The following DPP10 variants were observed in gnomAD, a reference collection of about 807,000 sequenced individuals.
The protein encoded by DPP10 is dipeptidyl peptidase like 10, also known as inactive dipeptidyl peptidase 10.
DPP10 carries 33 observed loss-of-function variants against 120.9 expected under a neutral mutation model. The observed-to-expected ratio is 0.27, with a 90% CI of 0.21 to 0.37. The LOEUF (loss-of-function observed/expected upper bound fraction) is 0.37, where lower values mean the gene tolerates loss of function less well. Among genes scored for constraint, DPP10 ranks in the 10% least tolerant of loss-of-function variants. DPP10 has a pLI of 1.00. For missense variants in DPP10, 816 were observed against 942.8 expected, an observed-to-expected ratio of 0.87 and a Z score of 1.76; for synonymous variants, 337 against 326.1, an observed-to-expected ratio of 1.03 and a Z score of -0.36.
intron 5 of DPP10, among the ~76,000 whole-genome samples, chr2:115,595,961 CTT>C (rs2082963114): frequency 6.6e-6 from 1 of 151,898 alleles, no homozygotes; most frequent in African/African-American, 2.4e-5. Context: ...GACTGTAACT[CTT>C]GTTTTTAGTG....
chr2:115,678,902 G>A (rs1467011407), intron 5 of DPP10, among the ~76,000 whole-genome samples: 1 of 152,202 alleles, frequency 6.6e-6, no homozygotes, highest in Non-Finnish European at 1.5e-5. Context: ...GAACTTTAAG[G>A]TTTAATGAAT....
intron 1 of DPP10, among the ~76,000 whole-genome samples, chr2:114,466,169 T>C (rs1679354114): frequency 6.6e-6 from 1 of 152,184 alleles, no homozygotes; most frequent in South Asian, 2.1e-4. Flanking sequence ...TAAAACTTGT[T>C]TGGGAGAGAA....
At chr2:115,358,946 A>G (rs991277911) in intron 3 of DPP10, among the ~76,000 whole-genome samples, 10 of 152,230 alleles carry the variant, frequency 6.6e-5, no homozygotes, top group Non-Finnish European at 1.0e-4. Context: ...CCATGATTCA[A>G]TTACCTCCCA....
At chr2:115,656,100 TAA>T (rs747075764) in intron 5 of DPP10, among the ~76,000 whole-genome samples, 11 of 150,686 alleles carry the variant, frequency 7.3e-5, no homozygotes, top group East Asian at 5.9e-4. Context: ...TAAAATATGA[TAA>T]GAGTATACAT....
chr2:114,495,752 C>T (rs913963931), intron 1 of DPP10, among the ~76,000 whole-genome samples: 6 of 152,110 alleles, frequency 3.9e-5, no homozygotes, highest in Non-Finnish European at 5.9e-5. Flanking sequence ...TAATTAGCAG[C>T]TGGAGGATAA....
At chr2:114,492,288 A>T (rs1014467222) in intron 1 of DPP10, among the ~76,000 whole-genome samples, 3 of 152,062 alleles carry the variant, frequency 2.0e-5, no homozygotes, top group Non-Finnish European at 4.4e-5. Context: ...CCCAAAGCTA[A>T]TTTTTTTATT....
In DPP10 at chr2:115,419,477, G is replaced by A. The variant is rs550287078; in HGVS notation, c.271+75565G>A. Reference sequence around the variant, plus strand: ...TATTTTATAACCTGATTTCTAATGAGCTAGTAGAGGGGAGGACTCACTCTT... The same window carrying A: ...TATTTTATAACCTGATTTCTAATGAACTAGTAGAGGGGAGGACTCACTCTT... On this transcript the variant is annotated intron_variant, in intron 3 of 25. Coordinates refer to ENST00000410059, the MANE Select transcript of DPP10 (RefSeq NM_020868.6). Among the ~76,000 whole-genome samples the A allele has an allele frequency of 2.9e-4, 44 of 152,186 alleles. 1 individual carries two copies. Among genetic ancestry groups the A allele is most frequent in the African/African-American group, 1.1e-3 (44 of 41,532 alleles).
At chr2:114,977,635 TC>T (rs2104832440) in intron 1 of DPP10, among the ~76,000 whole-genome samples, 1 of 152,216 alleles carries the variant, frequency 6.6e-6, no homozygotes, top group South Asian at 2.1e-4. Context: ...AAGAAAGCAA[TC>T]ACTCTGAGTT....
intron 1 of DPP10, among the ~76,000 whole-genome samples, chr2:114,468,706 T>C (rs1054763055): frequency 6.6e-6 from 1 of 152,154 alleles, no homozygotes; most frequent in Non-Finnish European, 1.5e-5. Flanking sequence ...AACTTTAAAC[T>C]GCATCTTGAA....
At chr2:115,395,955 T>C (rs1036857716) in intron 3 of DPP10, among the ~76,000 whole-genome samples, 1 of 152,156 alleles carries the variant, frequency 6.6e-6, no homozygotes, top group Non-Finnish European at 1.5e-5. Context: ...TTTCTGATAG[T>C]GAAATACCCA....
At chr2:114,505,179 T>C (rs576185738) in intron 1 of DPP10, among the ~76,000 whole-genome samples, 1 of 149,412 alleles carries the variant, frequency 6.7e-6, no homozygotes, top group African/African-American at 2.5e-5. Context: ...TAAAAAAATA[T>C]AGACCCAAAG....
At position 115,763,351 on chromosome 2, in the gene DPP10, C is replaced by T. The variant is rs180831975; in HGVS notation, c.1113+741C>T. Among the ~76,000 whole-genome samples, 33 of 152,150 alleles carry T rather than the reference C, an allele frequency of 2.2e-4. No individual in the cohort carries two copies. In the East Asian group the frequency reaches 2.9e-3, roughly 13 times the overall value. ...GACACTTCAGTGAGTTCTGAAATAT[C>T]CAAATTTATGCTTGCCATCTCCTCC... On this transcript the variant is annotated intron_variant, in intron 12 of 25. Coordinates refer to ENST00000410059, the MANE Select transcript of DPP10 (RefSeq NM_020868.6).
At chr2:114,699,010 G>C (rs983050963) in intron 1 of DPP10, among the ~76,000 whole-genome samples, 3 of 152,052 alleles carry the variant, frequency 2.0e-5, no homozygotes, top group Non-Finnish European at 4.4e-5. Flanking sequence ...TTATAGAAAA[G>C]TACCTATTTT....
At chr2:114,859,537 C>T (rs772248379) in intron 1 of DPP10, among the ~76,000 whole-genome samples, 7 of 152,060 alleles carry the variant, frequency 4.6e-5, no homozygotes, top group South Asian at 2.1e-4. Flanking sequence ...AGATTATTCA[C>T]GGGAATAATC....
intron 1 of DPP10, among the ~76,000 whole-genome samples, chr2:114,838,721 G>A (rs1002052242): frequency 3.9e-5 from 6 of 152,238 alleles, no homozygotes; most frequent in East Asian, 3.9e-4. Flanking sequence ...GATGCTGAAG[G>A]CATATTTGAG....
intron 1 of DPP10, among the ~76,000 whole-genome samples, chr2:114,809,748 C>T (rs948724589): frequency 4.6e-5 from 7 of 152,142 alleles, no homozygotes; most frequent in East Asian, 1.9e-4. Context: ...ATACGGCTTG[C>T]GAAACCCACT....
At chr2:115,003,188 A>G (rs1387743355) in intron 1 of DPP10, among the ~76,000 whole-genome samples, 2 of 151,464 alleles carry the variant, frequency 1.3e-5, no homozygotes, top group African/African-American at 4.9e-5. Flanking sequence ...AAAAAAAAAA[A>G]AAAACAATGA....
intron 1 of DPP10, chr2:114,461,951 G>A (rs17712682): frequency 0.3 from 298,903 of 985,168 alleles, 48,222 homozygotes; most frequent in Non-Finnish European, 0.33. Flanking sequence ...GAAATAATGA[G>A]GCCTCGACCA....
At position 115,587,049 on chromosome 2, in the gene DPP10, G is replaced by A. The variant is rs190150016; in HGVS notation, c.441+61077G>A. On this transcript the variant is annotated intron_variant, in intron 5 of 25. Coordinates refer to ENST00000410059, the MANE Select transcript of DPP10 (RefSeq NM_020868.6). ...TTATAACTGAAAGTTTATAACCTTTGACCAACATTGTCCTTTTTTCTTTTC... is the reference window on the plus strand; with the variant it reads ...TTATAACTGAAAGTTTATAACCTTTAACCAACATTGTCCTTTTTTCTTTTC... Among the ~76,000 whole-genome samples the A allele has an allele frequency of 1.8e-4, 27 of 146,204 alleles. No homozygotes were observed. In the East Asian group the frequency reaches 5.5e-3, roughly 30 times the overall value.
Sources: gnomAD v4.1 joint callset for allele counts (sites outside exome capture counted in the v4.1 genomes callset) on GRCh38, gnomAD v4.1.1 for gene constraint, MANE v1.5 for transcripts, NCBI Gene and HGNC (gene_info 2026-07-23, HGNC 2026-07-21) for gene names.